RNGTT: variants seen among roughly 807,000 people sequenced by gnomAD.
The protein encoded by RNGTT is mRNA-capping enzyme.
RNGTT carries 33 observed loss-of-function variants against 79.3 expected under a neutral mutation model. The ratio of observed to expected loss-of-function variants is 0.42; its 90% CI spans 0.32 to 0.56. The LOEUF (loss-of-function observed/expected upper bound fraction) is 0.56. Ranked by LOEUF, RNGTT falls within the 20% of genes least tolerant of loss-of-function variation. RNGTT has a pLI of 0.17. For synonymous variants in RNGTT, 222 were observed against 235.9 expected, an observed-to-expected ratio of 0.94 and a Z score of 0.54; for missense variants, 497 against 739.1, an observed-to-expected ratio of 0.67 and a Z score of 3.80.
chr6:88,630,084 G>A (rs1311343426), intron 14 of RNGTT, among the ~76,000 whole-genome samples: 1 of 152,176 alleles, frequency 6.6e-6, no homozygotes, highest in Non-Finnish European at 1.5e-5. Flanking sequence ...CACTGTGGTA[G>A]ACTGTTGGGC....
chr6:88,668,504 G>A (rs553185885), intron 14 of RNGTT, among the ~76,000 whole-genome samples: 48 of 152,188 alleles, frequency 3.2e-4, no homozygotes, highest in Non-Finnish European at 6.6e-4. Flanking sequence ...ACTGTACCCA[G>A]TGTATTCATC....
intron 4 of RNGTT, among the ~76,000 whole-genome samples, chr6:88,913,898 G>A (rs990597106): frequency 1.3e-5 from 2 of 152,028 alleles, no homozygotes; most frequent in African/African-American, 4.8e-5. Flanking sequence ...CATCCAAATA[G>A]GAAGAGAGGA....
intron 1 of RNGTT, among the ~76,000 whole-genome samples, chr6:88,948,496 C>T: frequency 7.1e-6 from 1 of 141,698 alleles, no homozygotes; most frequent in East Asian, 2.2e-4. Flanking sequence ...GTGGGGGGGT[C>T]AGCCCCCCGC....
At chr6:88,818,196 C>T (rs998430182) in intron 11 of RNGTT, among the ~76,000 whole-genome samples, 2 of 152,164 alleles carry the variant, frequency 1.3e-5, no homozygotes, top group African/African-American at 4.8e-5. Flanking sequence ...TTCTTAAACA[C>T]CTAAAAATAC....
At chr6:88,629,361 TA>T in intron 14 of RNGTT, among the ~76,000 whole-genome samples, 1 of 152,258 alleles carries the variant, frequency 6.6e-6, no homozygotes, top group South Asian at 2.1e-4. Flanking sequence ...GATGCAAACA[TA>T]AAATTCAGCC....
At chr6:88,618,717 T>C (rs1445131357) in intron 14 of RNGTT, among the ~76,000 whole-genome samples, 3 of 152,320 alleles carry the variant, frequency 2.0e-5, no homozygotes, top group South Asian at 4.1e-4. Flanking sequence ...CATACCACAC[T>C]TTTATACTAT....
intron 6 of RNGTT, among the ~76,000 whole-genome samples, chr6:88,892,523 T>G (rs961282085): frequency 6.6e-5 from 10 of 152,100 alleles, no homozygotes; most frequent in African/African-American, 2.2e-4. Flanking sequence ...AACAAAATAT[T>G]ACTCATCATG....
intron 12 of RNGTT, among the ~76,000 whole-genome samples, chr6:88,800,666 C>T (rs1270178138): frequency 6.6e-6 from 1 of 152,154 alleles, no homozygotes; most frequent in African/African-American, 2.4e-5. Flanking sequence ...AAACTCCATC[C>T]CCAGAGTTTC....
At chr6:88,904,674 A>G (rs766499550) in intron 6 of RNGTT, 41 bp downstream of exon 6, 4 of 1,538,628 alleles carry the variant, frequency 2.6e-6, no homozygotes, top group Admixed American at 4.3e-5. Context: ...GCTTGCAGAA[A>G]AAGGAAAAAA....
chr6:88,932,290 C>A (rs1164747525), intron 2 of RNGTT, among the ~76,000 whole-genome samples: 1 of 152,150 alleles, frequency 6.6e-6, no homozygotes, highest in African/African-American at 2.4e-5. Context: ...CGGTTCTCTG[C>A]TCTTGAACCC....
intron 8 of RNGTT, among the ~76,000 whole-genome samples, chr6:88,882,166 G>A (rs2127928337): frequency 6.6e-6 from 1 of 152,198 alleles, no homozygotes; most frequent in South Asian, 2.1e-4. Flanking sequence ...TCCAAAGAAT[G>A]CTGAGGAAAC....
At chr6:88,961,932 T>C (rs1785641462) in intron 1 of RNGTT, among the ~76,000 whole-genome samples, 2 of 152,108 alleles carry the variant, frequency 1.3e-5, no homozygotes, top group African/African-American at 4.8e-5. Flanking sequence ...GGTAAACAAA[T>C]TGTGGTATAC....
At chr6:88,963,302 C>A (rs1242199409) in intron 1 of RNGTT, 44 bp downstream of exon 1, 1 of 1,604,976 alleles carries the variant, frequency 6.2e-7, no homozygotes, top group Non-Finnish European at 8.5e-7. Context: ...CACCCCCGGG[C>A]ACGTTGGAGT....
chr6:88,814,101 A>G (rs562459942), intron 11 of RNGTT, among the ~76,000 whole-genome samples: 1 of 152,334 alleles, frequency 6.6e-6, no homozygotes, highest in South Asian at 2.1e-4. Context: ...ATAAAATGAA[A>G]ACATAAAAAA....
chr6:88,909,519 G>A (rs935129190), intron 4 of RNGTT, among the ~76,000 whole-genome samples: 1 of 152,126 alleles, frequency 6.6e-6, no homozygotes, highest in Non-Finnish European at 1.5e-5. Flanking sequence ...AGGTCTCCTG[G>A]TGGCCTAACC....
At chr6:88,773,496 G>C in intron 12 of RNGTT, among the ~76,000 whole-genome samples, 1 of 144,760 alleles carries the variant, frequency 6.9e-6, no homozygotes, top group Middle Eastern at 3.5e-3. Flanking sequence ...AAAAATTATT[G>C]GTAAAAAAAA....
chr6:88,925,564 G>A (rs1426542286), intron 4 of RNGTT, among the ~76,000 whole-genome samples: 2 of 150,128 alleles, frequency 1.3e-5, no homozygotes, highest in Non-Finnish European at 2.9e-5. Context: ...CTGCACTCTA[G>A]CCTGGGCAAT....
intron 11 of RNGTT, among the ~76,000 whole-genome samples, chr6:88,826,691 G>A (rs1582508416): frequency 6.6e-6 from 1 of 150,938 alleles, no homozygotes. Context: ...GCTGAGGAAG[G>A]AGAATCATTT....
At chr6:88,734,778 T>C (rs1043704380) in intron 13 of RNGTT, among the ~76,000 whole-genome samples, 2 of 152,160 alleles carry the variant, frequency 1.3e-5, no homozygotes, top group Non-Finnish European at 2.9e-5. Context: ...TATACAACCA[T>C]TCTGTGTTTC....
Sources: gnomAD v4.1 joint callset for allele counts (sites outside exome capture counted in the v4.1 genomes callset) on GRCh38, gnomAD v4.1.1 for gene constraint, MANE v1.5 for transcripts, NCBI Gene and HGNC (gene_info 2026-07-23, HGNC 2026-07-21) for gene names.